The following PDE10A variants were observed in gnomAD, a reference collection of about 807,000 sequenced individuals.
PDE10A encodes phosphodiesterase 10A, also known as cAMP and cAMP-inhibited cGMP 3',5'-cyclic phosphodiesterase 10A.
PDE10A carries 39 observed loss-of-function variants against 97.7 expected under a neutral mutation model. The observed-to-expected ratio is 0.40, with a 90% confidence interval of 0.31 to 0.52. The LOEUF (loss-of-function observed/expected upper bound fraction) is 0.52. PDE10A is among the 20% of genes least tolerant of loss of function. The pLI is 0.56. For missense variants in PDE10A, 731 were observed against 1,047.8 expected (o/e 0.70, Z 4.17); for synonymous variants, 371 against 376.8 (o/e 0.98, Z 0.18).
intron 1 of PDE10A, among the ~76,000 whole-genome samples, chr6:165,963,430 G>A (rs1005147435): frequency 5.3e-5 from 8 of 152,188 alleles, no homozygotes; most frequent in Admixed American, 1.3e-4. Context: ...AAAAAGTGGC[G>A]TGAAGGAAGT....
At chr6:165,724,553 G>A (rs181860411) in intron 1 of PDE10A, among the ~76,000 whole-genome samples, 110 of 152,242 alleles carry the variant, frequency 7.2e-4, no homozygotes, top group African/African-American at 1.9e-3. Flanking sequence ...CGTGGGCTTC[G>A]TCCTGTCACT....
intron 1 of PDE10A, among the ~76,000 whole-genome samples, chr6:165,674,504 G>A (rs1162787250): frequency 6.6e-6 from 1 of 152,178 alleles, no homozygotes; most frequent in Non-Finnish European, 1.5e-5. Context: ...GCGTGCGTGG[G>A]AACCGTGAGA....
At chr6:165,395,137 T>C (rs1165735127) in intron 15 of PDE10A, 44 bp downstream of exon 15, 3 of 1,219,264 alleles carry the variant, frequency 2.5e-6, no homozygotes, top group East Asian at 2.3e-5. Flanking sequence ...GAAGAGGTTA[T>C]GTCACCCAAT....
chr6:165,703,602 C>T (rs1032769549), intron 1 of PDE10A, among the ~76,000 whole-genome samples: 2 of 152,158 alleles, frequency 1.3e-5, no homozygotes, highest in African/African-American at 4.8e-5. Flanking sequence ...TGATCTGATG[C>T]CCCCTTTTAA....
At chr6:165,370,163 G>A (rs1241868775) in intron 18 of PDE10A, among the ~76,000 whole-genome samples, 1 of 151,774 alleles carries the variant, frequency 6.6e-6, no homozygotes, top group Non-Finnish European at 1.5e-5. Flanking sequence ...AGAAGAAACT[G>A]CATCAACTAA....
intron 18 of PDE10A, among the ~76,000 whole-genome samples, chr6:165,362,820 T>C (rs1054265611): frequency 6.6e-6 from 1 of 152,138 alleles, no homozygotes; most frequent in Non-Finnish European, 1.5e-5. Context: ...CTCAACGAAA[T>C]ATCATCAAGC....
At chr6:165,670,022 G>A (rs576152283) in intron 1 of PDE10A, among the ~76,000 whole-genome samples, 14 of 152,322 alleles carry the variant, frequency 9.2e-5, no homozygotes, top group African/African-American at 1.9e-4. Flanking sequence ...GTGGTGAACT[G>A]GCCAGAAGGG....
At chr6:165,764,582 C>T (rs910483231) in intron 1 of PDE10A, among the ~76,000 whole-genome samples, 7 of 151,968 alleles carry the variant, frequency 4.6e-5, no homozygotes, top group African/African-American at 7.3e-5. Context: ...TGTGGTCTTG[C>T]TGGCTCAGGA....
At chr6:165,824,187 A>G (rs781576729) in intron 1 of PDE10A, among the ~76,000 whole-genome samples, 3 of 152,242 alleles carry the variant, frequency 2.0e-5, no homozygotes, top group Non-Finnish European at 2.9e-5. Flanking sequence ...GTGTTTGTAA[A>G]TCACAGCTGT....
At chr6:165,615,801 C>CTGCAT in intron 1 of PDE10A, among the ~76,000 whole-genome samples, 1 of 152,298 alleles carries the variant, frequency 6.6e-6, no homozygotes, top group Middle Eastern at 3.4e-3. Context: ...CACTGTGAGT[C>CTGCAT]TGCACCATGT....
Position 165,543,481 on chromosome 6 carries a change from G to C in PDE10A, c.953C>G (p.Thr318Arg). The change falls in exon 2 of 22, where the codon ACA (threonine) becomes AGA (arginine). Residue 318 changes from threonine (T) to arginine (R), a missense_variant. Thr to Arg is a moderately conservative substitution (Grantham distance 71). Around this residue, in one of 8 missense-constraint regions of PDE10A, gnomAD observed 181 missense variants for 159.1 expected, o/e 1.14. Coordinates refer to ENST00000539869, the MANE Select transcript of PDE10A (RefSeq NM_001385079.1). Reference protein sequence around the residue: ...EFVSESVSAETVEKWLKRKNN... With the variant: ...EFVSESVSAERVEKWLKRKNN... ...CTTCCTCTTCAGCCATTTCTCTACT[G>C]TCTCTGCACTAACACTTTCAGATAC... 1 of 1,612,824 alleles carries C rather than the reference G, an allele frequency of 6.2e-7. No homozygotes were observed. Among genetic ancestry groups the C allele is most frequent in the Non-Finnish European group, 8.5e-7 (1 of 1,179,282 alleles).
At chr6:165,673,477 G>A (rs1028013356) in intron 1 of PDE10A, among the ~76,000 whole-genome samples, 2 of 152,162 alleles carry the variant, frequency 1.3e-5, no homozygotes, top group African/African-American at 4.8e-5. Flanking sequence ...TTAAAACCTC[G>A]CCGGAGCTGC....
chr6:165,332,312 T>C lies in PDE10A; in HGVS notation c.*713A>G, dbSNP rs1295030009. 1.3e-5 allele frequency: 2 copies of C among 152,256 alleles called. No homozygotes were observed. Among genetic ancestry groups the C allele is most frequent in the East Asian group, 3.8e-4 (2 of 5,198 alleles). 9.4% of individuals were successfully genotyped at this position (152,256 alleles called of 1,614,324 possible). On this transcript the variant is annotated 3_prime_UTR_variant, in exon 22 of 22. Transcript: ENST00000539869. ...CTACTTGAAGTTCTGAGATTTATTG[T>C]AACATATACCTCATCTCTTCTCAAA...
chr6:165,412,348 T>G (rs550200886), intron 13 of PDE10A, among the ~76,000 whole-genome samples: 295 of 152,314 alleles, frequency 1.9e-3, no homozygotes, highest in Middle Eastern at 3.4e-3. Context: ...CTATGATACT[T>G]AAATTCCATT....
chr6:165,568,211 C>G lies in PDE10A; in HGVS notation c.866-24643G>C, dbSNP rs372257996. Among the ~76,000 whole-genome samples, 669 of 151,912 alleles carry G rather than the reference C, an allele frequency of 4.4e-3. 8 individuals are homozygous for G. Among genetic ancestry groups the G allele is most frequent in the African/African-American group, 0.015 (607 of 41,460 alleles). ...AGACGGGGTTTCACCATGTTAGACA[C>G]GATGGTCTAGATCTGCTGACCTCAT... On this transcript the variant is annotated intron_variant, in intron 1 of 21. Transcript: ENST00000539869.
At chr6:165,503,289 C>T (rs543044378) in intron 2 of PDE10A, among the ~76,000 whole-genome samples, 17 of 152,296 alleles carry the variant, frequency 1.1e-4, no homozygotes, top group Middle Eastern at 6.8e-3. Flanking sequence ...CTCAACGTGA[C>T]TCATATTATT....
At chr6:165,680,749 C>T (rs902615385) in intron 1 of PDE10A, among the ~76,000 whole-genome samples, 1 of 152,122 alleles carries the variant, frequency 6.6e-6, no homozygotes, top group Non-Finnish European at 1.5e-5. Flanking sequence ...ACTAAAAATA[C>T]AAAAATTAGC....
At chr6:165,592,605 G>GA (rs1786344878) in intron 1 of PDE10A, among the ~76,000 whole-genome samples, 1 of 151,686 alleles carries the variant, frequency 6.6e-6, no homozygotes, top group Non-Finnish European at 1.5e-5. Context: ...AAATTTACGA[G>GA]AAAAAAACAC....
chr6:165,660,535 G>A (rs1790192869), intron 1 of PDE10A: 1 of 152,444 alleles, frequency 6.6e-6, no homozygotes, highest in African/African-American at 2.4e-5. Flanking sequence ...GGGTTGCAAG[G>A]AGCGGCCGAT....
Sources: gnomAD v4.1 joint callset for allele counts (sites outside exome capture counted in the v4.1 genomes callset) on GRCh38, gnomAD v4.1.1 for gene constraint, gnomAD v4.1.1 regional missense constraint, MANE v1.5 for transcripts, NCBI Gene and HGNC (gene_info 2026-07-23, HGNC 2026-07-21) for gene names.